PRTFDC1: variants seen among roughly 807,000 people sequenced by gnomAD.
PRTFDC1 encodes the protein phosphoribosyltransferase domain-containing protein 1.
PRTFDC1 carries 38 observed loss-of-function variants against 34.6 expected under a neutral mutation model. That is an observed-to-expected ratio of 1.10 (90% CI 0.85 to 1.44). The LOEUF (loss-of-function observed/expected upper bound fraction) is 1.44. Ranked by LOEUF, PRTFDC1 falls within the 40% of genes most tolerant of loss-of-function variation. The pLI, the probability that PRTFDC1 is intolerant of heterozygous loss-of-function variation, is 0.00. For missense variants in PRTFDC1, 270 were observed against 283.0 expected (o/e 0.95, Z 0.33); for synonymous variants, 93 against 98.1 (o/e 0.95, Z 0.31).
At chr10:24,865,150 A>G (rs957573574) in intron 4 of PRTFDC1, among the ~76,000 whole-genome samples, 8 of 152,050 alleles carry the variant, frequency 5.3e-5, no homozygotes, top group East Asian at 1.9e-4. Context: ...ACAAAAATAC[A>G]TAACATGGAG....
intron 3 of PRTFDC1, among the ~76,000 whole-genome samples, chr10:24,900,312 T>C (rs1448552590): frequency 6.6e-6 from 1 of 152,252 alleles, no homozygotes; most frequent in Non-Finnish European, 1.5e-5. Context: ...CCCAGTGTCT[T>C]AGCTCTGGGT....
chr10:24,930,076 AAC>A (rs113296319), intron 3 of PRTFDC1, among the ~76,000 whole-genome samples: 22,227 of 149,928 alleles, frequency 0.15, 1,843 homozygotes, highest in East Asian at 0.28. Flanking sequence ...CACACACACA[AAC>A]ACACACACAC....
intron 3 of PRTFDC1, among the ~76,000 whole-genome samples, chr10:24,920,196 A>G (rs923055229): frequency 3.3e-5 from 5 of 152,140 alleles, no homozygotes; most frequent in African/African-American, 4.8e-5. Context: ...CTGAAGCACT[A>G]TTCACAATAG....
intron 3 of PRTFDC1, among the ~76,000 whole-genome samples, chr10:24,895,152 T>C (rs1445427964): frequency 6.6e-6 from 1 of 152,162 alleles, no homozygotes; most frequent in African/African-American, 2.4e-5. Context: ...CCTGAGGAAG[T>C]TGTGCTTTGT....
chr10:24,859,932 T>C (rs1847648642), intron 4 of PRTFDC1, among the ~76,000 whole-genome samples: 1 of 152,222 alleles, frequency 6.6e-6, no homozygotes, highest in South Asian at 2.1e-4. Flanking sequence ...ATTAATTGGA[T>C]TAGCAGTGAC....
intron 1 of PRTFDC1, among the ~76,000 whole-genome samples, chr10:24,947,647 A>G (rs1323537045): frequency 6.6e-6 from 1 of 152,060 alleles, no homozygotes; most frequent in Non-Finnish European, 1.5e-5. Context: ...TTGTGCTTAG[A>G]CTATTTTTTG....
chr10:24,851,246 G>A (rs1847482125), intron 8 of PRTFDC1, 142 bp downstream of exon 8: 3 of 1,222,386 alleles, frequency 2.5e-6, no homozygotes, highest in Non-Finnish European at 3.3e-6. Context: ...TTAATTGGGA[G>A]TATGGATGCA....
chr10:24,948,726 T>A (rs1849290387), intron 1 of PRTFDC1, among the ~76,000 whole-genome samples: 1 of 152,184 alleles, frequency 6.6e-6, no homozygotes. Flanking sequence ...CTTGGCTGAT[T>A]TACTCCAATG....
intron 5 of PRTFDC1, 152 bp from the exon 6 acceptor site, chr10:24,857,147 T>C: frequency 1.5e-6 from 1 of 687,514 alleles, no homozygotes; most frequent in East Asian, 2.7e-5. Context: ...GGTTATGTTT[T>C]ATTTAGACAG....
chr10:24,910,879 A>G (rs998697798), intron 3 of PRTFDC1, among the ~76,000 whole-genome samples: 3 of 151,948 alleles, frequency 2.0e-5, no homozygotes, highest in African/African-American at 7.2e-5. Context: ...ACAGATGCCT[A>G]GAGAGTTAGG....
intron 3 of PRTFDC1, among the ~76,000 whole-genome samples, chr10:24,897,771 T>C (rs951646925): frequency 5.9e-5 from 9 of 152,234 alleles, no homozygotes; most frequent in African/African-American, 2.2e-4. Flanking sequence ...ACGCTTTCTT[T>C]CATGAATGAC....
intron 3 of PRTFDC1, among the ~76,000 whole-genome samples, chr10:24,896,865 A>G (rs945758377): frequency 1.3e-5 from 2 of 152,234 alleles, no homozygotes; most frequent in Non-Finnish European, 2.9e-5. Context: ...CCTTAAGGCC[A>G]GGAGTTTAAG....
At chr10:24,877,549 A>G (rs531562338) in intron 3 of PRTFDC1, among the ~76,000 whole-genome samples, 1 of 152,306 alleles carries the variant, frequency 6.6e-6, no homozygotes, top group Admixed American at 6.5e-5. Flanking sequence ...TGGTTTTTCT[A>G]TGCACTAGAA....
rs1041403581 is a variant in PRTFDC1, at chr10:24,854,377, C to A, written c.553+941G>T. 2.6e-5 allele frequency among the ~76,000 whole-genome samples: 4 copies of A among 152,276 alleles called. No individual in the cohort carries two copies. In the East Asian group the frequency reaches 7.7e-4, roughly 29 times the overall value. ...TGACATGGTCCAGAGTTAACACATC[C>A]AGCACAGGCATGAAACTTGTTTTCA... On this transcript the variant is annotated intron_variant, in intron 7 of 8. Coordinates refer to ENST00000320152, the MANE Select transcript of PRTFDC1 (RefSeq NM_020200.7).
intron 3 of PRTFDC1, among the ~76,000 whole-genome samples, chr10:24,925,430 C>A (rs893806492): frequency 6.6e-6 from 1 of 151,976 alleles, no homozygotes; most frequent in Non-Finnish European, 1.5e-5. Flanking sequence ...ATGTAACAAA[C>A]CTGCACATTG....
rs149573702 is a variant in PRTFDC1, at chr10:24,924,920, C to T, written c.339+12264G>A. Among the ~76,000 whole-genome samples, 564 of 152,292 alleles carry T rather than the reference C, an allele frequency of 3.7e-3. 1 individual carries two copies. Among genetic ancestry groups the T allele is most frequent in the African/African-American group, 0.013 (520 of 41,566 alleles). On this transcript the variant is annotated intron_variant, in intron 3 of 8. Coordinates refer to ENST00000320152, the MANE Select transcript of PRTFDC1 (RefSeq NM_020200.7). The stretch of plus-strand genomic sequence containing the variant: ...TGTGGAAGACAGTGTGGTGATTCCT[C>T]AAGGATCTAGAACTAGAAATACCTT...
chr10:24,938,809 A>T (rs1849096474), intron 2 of PRTFDC1, among the ~76,000 whole-genome samples: 1 of 152,226 alleles, frequency 6.6e-6, no homozygotes, highest in Non-Finnish European at 1.5e-5. Flanking sequence ...TGTGCAGAGA[A>T]GGCACAAGAA....
intron 1 of PRTFDC1, among the ~76,000 whole-genome samples, chr10:24,950,223 T>C (rs1849318569): frequency 6.6e-6 from 1 of 152,220 alleles, no homozygotes; most frequent in East Asian, 1.9e-4. Context: ...TCTAAAAGTA[T>C]GTAGTATGTT....
chr10:24,919,177 A>T (rs1445835986), intron 3 of PRTFDC1, among the ~76,000 whole-genome samples: 1 of 152,236 alleles, frequency 6.6e-6, no homozygotes, highest in Non-Finnish European at 1.5e-5. Flanking sequence ...CCTGGTACTA[A>T]TAAACTAGAA....
Sources: gnomAD v4.1 joint callset for allele counts (sites outside exome capture counted in the v4.1 genomes callset) on GRCh38, gnomAD v4.1.1 for gene constraint, MANE v1.5 for transcripts, NCBI Gene and HGNC (gene_info 2026-07-23, HGNC 2026-07-21) for gene names.